Variants in RNF6 observed in about 807,000 individuals in gnomAD.
The protein encoded by RNF6 is ring finger protein 6, also known as E3 ubiquitin-protein ligase RNF6.
RNF6 carries 21 observed loss-of-function variants against 50.1 expected under a neutral mutation model. That is an observed-to-expected ratio of 0.42 (90% confidence interval 0.30 to 0.60). The LOEUF is 0.60. RNF6 is among the 20% of genes least tolerant of loss of function. The pLI is 0.20. For synonymous variants in RNF6, 255 were observed against 291.8 expected, an observed-to-expected ratio of 0.87 and a Z score of 1.29; for missense variants, 698 against 838.2, an observed-to-expected ratio of 0.83 and a Z score of 2.07.
chr13:26,150,498 T>G (rs950603110), intron 5 of RNF6, among the ~76,000 whole-genome samples: 3 of 152,148 alleles, frequency 2.0e-5, no homozygotes, highest in African/African-American at 7.2e-5. Flanking sequence ...GAAATGAAGA[T>G]GCAGCACAAT....
intron 5 of RNF6, among the ~76,000 whole-genome samples, chr13:26,201,466 G>C (rs8000542): frequency 6.6e-6 from 1 of 152,104 alleles, no homozygotes; most frequent in Non-Finnish European, 1.5e-5. Flanking sequence ...CAACAATAAC[G>C]GAGGCAGAAG....
intron 5 of RNF6, among the ~76,000 whole-genome samples, chr13:26,147,982 A>G (rs1466336749): frequency 1.3e-5 from 2 of 152,178 alleles, no homozygotes; most frequent in Non-Finnish European, 2.9e-5. Flanking sequence ...GTCCATTTTC[A>G]CACTGCTATA....
intron 5 of RNF6, among the ~76,000 whole-genome samples, chr13:26,199,748 T>G (rs1202277699): frequency 6.6e-6 from 1 of 152,064 alleles, no homozygotes; most frequent in Non-Finnish European, 1.5e-5. Context: ...CAAGGACACC[T>G]ATAGAGAGAG....
At chr13:26,164,077 A>G (rs1872336345) in intron 5 of RNF6, among the ~76,000 whole-genome samples, 1 of 152,244 alleles carries the variant, frequency 6.6e-6, no homozygotes, top group Non-Finnish European at 1.5e-5. Context: ...AAAAGAAAAT[A>G]AATTAAGCCT....
Position 26,214,532 on chromosome 13 carries a change from C to A in RNF6, c.1350G>T (p.Arg450=), listed in dbSNP as rs779811716. 7 of 1,614,006 alleles carry A rather than the reference C, an allele frequency of 4.3e-6. No individual in the cohort carries two copies. The South Asian group carries it at 4.4e-5, about 10-fold the overall frequency. ...TACTAACATAGGTTCGAATACCTGACCGCTCTAAACGAGAAATGGTTCGGC... is the reference window on the plus strand; with the variant it reads ...TACTAACATAGGTTCGAATACCTGAACGCTCTAAACGAGAAATGGTTCGGC... The part of the protein sequence containing the change: ...GFRRTISRLE[R]SGIRTYVSTI... Residue 450 remains arginine, a synonymous_variant, in exon 5 of 5, where the codon CGG becomes CGT. Transcript: ENST00000381588.
chr13:26,154,277 G>A (rs1367320243), intron 5 of RNF6: 1 of 152,196 alleles, frequency 6.6e-6, no homozygotes, highest in Non-Finnish European at 1.5e-5. Context: ...TGGATTATAA[G>A]TAAAACATAG....
At chr13:26,140,492 T>C (rs1389208499) in intron 5 of RNF6, among the ~76,000 whole-genome samples, 3 of 152,084 alleles carry the variant, frequency 2.0e-5, no homozygotes, top group Non-Finnish European at 4.4e-5. Context: ...CAAAGGAACA[T>C]ACCTCAAAAT....
chr13:26,191,452 A>G lies in RNF6; in HGVS notation n.768+24022T>C, dbSNP rs192742427. Among the ~76,000 whole-genome samples, 493 of 152,278 alleles carry G rather than the reference A, an allele frequency of 3.2e-3. 2 individuals are homozygous for G. Among genetic ancestry groups the G allele is most frequent in the Admixed American group, 5.1e-3 (78 of 15,296 alleles). On this transcript the variant is annotated intron_variant and non_coding_transcript_variant, in intron 5 of 5. Transcript: ENST00000468480. ...TATTTATTTGATATGGTTTGGCTCT[A>G]TGTCCCCAAATCTCATCTCAAATTG...
chr13:26,137,977 A>C (rs1440115810), intron 5 of RNF6, among the ~76,000 whole-genome samples: 1 of 152,170 alleles, frequency 6.6e-6, no homozygotes, highest in Non-Finnish European at 1.5e-5. Flanking sequence ...GATGGAAAGC[A>C]TTAATCTACA....
At position 26,214,359 on chromosome 13, in the gene RNF6, C is replaced by A. The variant is rs192955807; in HGVS notation, c.1523G>T (p.Arg508Ile). 1 of 1,614,124 alleles carries A rather than the reference C, an allele frequency of 6.2e-7. No individual in the cohort carries two copies. Among genetic ancestry groups the A allele is most frequent in the Non-Finnish European group, 8.5e-7 (1 of 1,180,028 alleles). Reference sequence around the variant, plus strand: ...CATGTCTGGTAAATGCTGGCCATTTCTTTGAAGTTCTGACTCAGAATCGGC... The same window carrying A: ...CATGTCTGGTAAATGCTGGCCATTTATTTGAAGTTCTGACTCAGAATCGGC... ...MEADSESELQ[R>I]NGQHLPDMHS... Residue 508 changes from arginine (R) to isoleucine (I), a missense_variant, in exon 5 of 5, where the codon AGA becomes ATA. By Grantham distance (97) the Arg-to-Ile change is moderately conservative. Coordinates refer to ENST00000381588, the MANE Select transcript of RNF6 (RefSeq NM_005977.4).
intron 5 of RNF6, among the ~76,000 whole-genome samples, chr13:26,163,365 C>T (rs1872308049): frequency 1.3e-5 from 2 of 152,046 alleles, no homozygotes; most frequent in Admixed American, 6.5e-5. Flanking sequence ...ATACTCCTCA[C>T]TTTCCCACCA....
At chr13:26,156,894 A>C (rs150349482) in intron 5 of RNF6, among the ~76,000 whole-genome samples, 35 of 152,316 alleles carry the variant, frequency 2.3e-4, no homozygotes, top group Middle Eastern at 3.4e-3. Flanking sequence ...TAACATGGGG[A>C]GAGCATTACA....
intron 5 of RNF6, among the ~76,000 whole-genome samples, chr13:26,150,063 T>C (rs201076980): frequency 6.2e-5 from 9 of 144,680 alleles, no homozygotes; most frequent in African/African-American, 1.3e-4. Context: ...TATATATATA[T>C]ACATATACAT....
At chr13:26,136,002 C>T (rs1362591745) in intron 5 of RNF6, among the ~76,000 whole-genome samples, 1 of 152,166 alleles carries the variant, frequency 6.6e-6, no homozygotes, top group Non-Finnish European at 1.5e-5. Context: ...GTTTCATGTA[C>T]AGTCTGGAGA....
rs141723613 is a variant in RNF6, at chr13:26,201,097, G to A, written n.768+14377C>T. On this transcript the variant is annotated intron_variant and non_coding_transcript_variant, in intron 5 of 5. Transcript: ENST00000468480. ...ATGAATAGCAAATAAAAAACACCAT[G>A]ACAAGTCAAGACTGCAGAAGAAAAA... Among the ~76,000 whole-genome samples the A allele has an allele frequency of 2.1e-3, 320 of 152,232 alleles. 1 individual carries two copies. Among genetic ancestry groups the A allele is most frequent in the Middle Eastern group, 3.4e-3 (1 of 294 alleles).
chr13:26,217,188 T>C (rs917110075), intron 4 of RNF6, among the ~76,000 whole-genome samples: 3 of 152,234 alleles, frequency 2.0e-5, no homozygotes, highest in East Asian at 1.9e-4. Flanking sequence ...TCAGTATTAA[T>C]TATTGCATCT....
At chr13:26,171,843 AG>A (rs1184210732) in intron 5 of RNF6, among the ~76,000 whole-genome samples, 1 of 152,218 alleles carries the variant, frequency 6.6e-6, no homozygotes, top group Non-Finnish European at 1.5e-5. Context: ...TGGAGTACTT[AG>A]ACTAGTCAAA....
At chr13:26,164,227 T>C (rs376815266) in intron 5 of RNF6, among the ~76,000 whole-genome samples, 9 of 152,226 alleles carry the variant, frequency 5.9e-5, no homozygotes, top group African/African-American at 1.9e-4. Flanking sequence ...CCATTTGTTC[T>C]GGAAAAATTT....
chr13:26,154,059 G>A (rs1871779847), intron 5 of RNF6: 1 of 152,072 alleles, frequency 6.6e-6, no homozygotes, highest in Admixed American at 6.6e-5. Context: ...ATCTAATAAC[G>A]TGTTCAAAAA....
Sources: gnomAD v4.1 joint callset for allele counts (sites outside exome capture counted in the v4.1 genomes callset) on GRCh38, gnomAD v4.1.1 for gene constraint, MANE v1.5 for transcripts, NCBI Gene and HGNC (gene_info 2026-07-23, HGNC 2026-07-21) for gene names.